Variants in JAG1 observed in about 807,000 individuals in gnomAD.
JAG1 encodes jagged canonical Notch ligand 1, also known as protein jagged-1.
A neutral mutation model predicts 148.7 loss-of-function variants in JAG1; 23 were observed. The ratio of observed to expected loss-of-function variants is 0.15; its 90% confidence interval spans 0.11 to 0.22. The LOEUF (loss-of-function observed/expected upper bound fraction) is 0.22, where lower values mean the gene tolerates loss of function less well. JAG1 is among the 10% of genes least tolerant of loss of function. The probability of loss-of-function intolerance (pLI) is 1.00; values close to 1 mark genes in which losing one functional copy is unlikely to be tolerated. For missense variants in JAG1, 1,054 were observed against 1,611.2 expected, an observed-to-expected ratio of 0.65 and a Z score of 5.92; for synonymous variants, 572 against 598.3, an observed-to-expected ratio of 0.96 and a Z score of 0.64.
In JAG1 at chr20:10,647,060, A is replaced by C. The variant is rs1222703785; in HGVS notation, c.1764T>G (p.Pro588=). The part of the protein sequence containing the change: ...CTVAMASNDT[P]EGVRYISSNV... ...TGGAGGAAATATACCGCACCCCTTC[A>C]GGTGTGTCGTTGGAAGCCATGGCCA... is the stretch of plus-strand genomic sequence containing the variant. The change falls in exon 14 of 26, where the codon CCT becomes CCG. Residue 588 remains proline, a synonymous_variant. Transcript: ENST00000254958. The C allele has an allele frequency of 1.2e-6, 2 of 1,614,090 alleles. No individual in the cohort carries two copies. The highest frequency in any genetic ancestry group is 1.7e-6 in the Non-Finnish European group (2 of 1,180,032).
In JAG1 at chr20:10,652,612, G is replaced by A. The variant is rs757351921; in HGVS notation, c.756-14C>T. The A allele has an allele frequency of 1.2e-5, 20 of 1,613,512 alleles. No homozygotes were observed. In the Admixed American group the frequency reaches 2.3e-4, roughly 19 times the overall value. ...CCGTACTGGCACCTGGAGACACACA[G>A]CACACCTCCAGGTTAGCCTTTTGAA... On this transcript the variant is annotated splice_polypyrimidine_tract_variant and intron_variant, in intron 5 of 25. Coordinates refer to ENST00000254958, the MANE Select transcript of JAG1 (RefSeq NM_000214.3).
chr20:10,643,097 A>G (rs1202478184), intron 20 of JAG1, among the ~76,000 whole-genome samples: 1 of 152,276 alleles, frequency 6.6e-6, no homozygotes, highest in Non-Finnish European at 1.5e-5. Flanking sequence ...CTGTTTATTT[A>G]GAAACATGAA....
At chr20:10,654,751 G>A (rs768710077) in intron 5 of JAG1, among the ~76,000 whole-genome samples, 4 of 152,190 alleles carry the variant, frequency 2.6e-5, no homozygotes, top group South Asian at 2.1e-4. Context: ...CCATCAGTGC[G>A]TGTCTGGGCA....
At chr20:10,642,415 A>G (rs2067278813) in intron 21 of JAG1, 73 bp downstream of exon 21, 2 of 865,320 alleles carry the variant, frequency 2.3e-6, no homozygotes, top group Admixed American at 1.9e-5. Flanking sequence ...CTTATTTGTG[A>G]AAAGTCAAAT....
At chr20:10,653,564 C>T (rs989536181) in intron 5 of JAG1, among the ~76,000 whole-genome samples, 2 of 44,968 alleles carry the variant, frequency 4.4e-5, no homozygotes, top group African/African-American at 1.8e-4. Context: ...ACTAGCCTCC[C>T]GGTGGAGCGT....
intron 13 of JAG1, 33 bp from the exon 14 acceptor site, chr20:10,647,136 A>G (rs535867860): frequency 6.2e-7 from 1 of 1,613,712 alleles, no homozygotes; most frequent in East Asian, 2.2e-5. Flanking sequence ...GATCACAGCC[A>G]TGCACCCACA....
chr20:10,658,017 A>T (rs1341877617), intron 4 of JAG1, among the ~76,000 whole-genome samples: 1 of 152,214 alleles, frequency 6.6e-6, no homozygotes, highest in African/African-American at 2.4e-5. Flanking sequence ...AGGGAAGCAG[A>T]TGGGGTAGGG....
At chr20:10,657,081 A>G (rs2067384290) in intron 4 of JAG1, among the ~76,000 whole-genome samples, 1 of 152,184 alleles carries the variant, frequency 6.6e-6, no homozygotes, top group Non-Finnish European at 1.5e-5. Flanking sequence ...GTCAGTTTCT[A>G]AGACCAGGCA....
At chr20:10,663,509 G>A (rs2067431309) in intron 3 of JAG1, among the ~76,000 whole-genome samples, 1 of 152,206 alleles carries the variant, frequency 6.6e-6, no homozygotes, top group Non-Finnish European at 1.5e-5. Context: ...AACCCGGAGA[G>A]ACTAGAAGCT....
At position 10,671,274 on chromosome 20, in the gene JAG1, G is replaced by A. The variant is rs79546220; in HGVS notation, c.387+1427C>T. 5.6e-4 allele frequency among the ~76,000 whole-genome samples: 85 copies of A among 152,332 alleles called. 3 individuals are homozygous for A. In the East Asian group the frequency reaches 0.014, roughly 25 times the overall value. The stretch of plus-strand genomic sequence containing the variant: ...TCCCTAATAGGGGATTAACAAACAA[G>A]ATAAATACTCTTGGTAAAAATGAAA... On this transcript the variant is annotated intron_variant, in intron 2 of 25. Coordinates refer to ENST00000254958, the MANE Select transcript of JAG1 (RefSeq NM_000214.3).
At chr20:10,643,647 G>C (rs1203474706) in intron 20 of JAG1, 131 bp downstream of exon 20, 1 of 763,384 alleles carries the variant, frequency 1.3e-6, no homozygotes, top group Non-Finnish European at 2.3e-6. Flanking sequence ...AGCTGGAGGA[G>C]AGAGATCCTT....
chr20:10,668,668 A>G (rs1415088281), intron 2 of JAG1, among the ~76,000 whole-genome samples: 2 of 142,700 alleles, frequency 1.4e-5, no homozygotes, highest in Admixed American at 7.1e-5. Context: ...TTACCTTGAC[A>G]CTGTTTTTTT....
At chr20:10,643,757 C>G in intron 20 of JAG1, 21 bp downstream of exon 20, 1 of 1,604,366 alleles carries the variant, frequency 6.2e-7, no homozygotes, top group Non-Finnish European at 8.5e-7. Context: ...ATTGGGAAAA[C>G]CAGACGGAGA....
Position 10,660,996 on chromosome 20 carries a change from A to G in JAG1, c.440-2274T>C, listed in dbSNP as rs1222249347. ...AAGGGGGCCTTAGCCGAGAAAGCTAAGCTACAGGGAAAACCTGGTCTGAAG... is the reference window on the plus strand; with the variant it reads ...AAGGGGGCCTTAGCCGAGAAAGCTAGGCTACAGGGAAAACCTGGTCTGAAG... On this transcript the variant is annotated intron_variant, in intron 3 of 25. Coordinates refer to ENST00000254958, the MANE Select transcript of JAG1 (RefSeq NM_000214.3). Among the ~76,000 whole-genome samples the G allele has an allele frequency of 3.9e-5, 6 of 152,210 alleles. 1 individual carries two copies.
Position 10,656,450 on chromosome 20 carries a change from G to A in JAG1, c.703C>T (p.Arg235Ter), listed in dbSNP as rs876660980. The A allele has an allele frequency of 6.2e-7, 1 of 1,613,772 alleles. No homozygotes were observed. The highest frequency in any genetic ancestry group is 8.5e-7 in the Non-Finnish European group (1 of 1,179,798). Residue 235 changes from arginine to a stop codon, truncating the protein, a stop_gained, in exon 5 of 26, where the codon CGA becomes TGA. Coordinates refer to ENST00000254958, the MANE Select transcript of JAG1 (RefSeq NM_000214.3). LOFTEE classifies it high-confidence loss of function. Reference protein sequence around the residue: ...MGPECNRAICRQGCSPKHGSC... With the variant: ...MGPECNRAIC ...CCATGCTTAGGACTGCAGCCTTGTC[G>A]GCAAATAGCTGTAAAAAACAGAGAA...
chr20:10,639,596 T>C lies in JAG1; in HGVS notation c.3559A>G (p.Asn1187Asp). The change falls in exon 26 of 26, where the codon AAC becomes GAC. Residue 1187 changes from asparagine to aspartate, a missense_variant. By Grantham distance (23) the Asn-to-Asp change is conservative (BLOSUM62 1). Transcript: ENST00000254958. ...TTTGGGTGTTTTGTCGGCGTGCCGT[T>C]GGGGGGCTTCTCTTCTCTGTCTACC... ...TLVDREEKPP[N>D]GTPTKHPNWT... 6.2e-7 allele frequency: 1 copy of C among 1,614,166 alleles called. No homozygotes were observed.
rs1370741944 is a variant in JAG1 at position 10,640,883 on chromosome 20, G to A, written c.3099C>T (p.Asp1033=). The part of the protein sequence containing the change: ...DDGNPIKEIT[D]KIIDLVSKRD... ...GTTTACTAACAAGATCGATTATTTT[G>A]TCAGTGATTTCCTTGATCGGGTTCC... The change falls in exon 25 of 26, where the codon GAC becomes GAT. Residue 1033 remains aspartate (D), a synonymous_variant. Coordinates refer to ENST00000254958, the MANE Select transcript of JAG1 (RefSeq NM_000214.3). 6.2e-7 allele frequency: 1 copy of A among 1,613,942 alleles called. No homozygotes were observed. The highest frequency in any genetic ancestry group is 8.5e-7 in the Non-Finnish European group (1 of 1,179,972).
intron 25 of JAG1, 39 bp downstream of exon 25, chr20:10,640,743 TC>T: frequency 6.2e-7 from 1 of 1,602,856 alleles, no homozygotes; most frequent in Non-Finnish European, 8.5e-7. Context: ...AATGAGATCA[TC>T]TACTATCATC....
chr20:10,667,432 C>A (rs1430557298), intron 2 of JAG1, among the ~76,000 whole-genome samples: 3 of 152,332 alleles, frequency 2.0e-5, no homozygotes, highest in African/African-American at 7.2e-5. Context: ...TCGGCCAACT[C>A]TATTGTCCTG....
Sources: gnomAD v4.1 joint callset for allele counts (sites outside exome capture counted in the v4.1 genomes callset) on GRCh38, gnomAD v4.1.1 for gene constraint, MANE v1.5 for transcripts, NCBI Gene and HGNC (gene_info 2026-07-23, HGNC 2026-07-21) for gene names.